SV2C: variants seen among roughly 807,000 people sequenced by gnomAD.
The protein encoded by SV2C is solute carrier family 22 member B3.
SV2C carries 49 observed loss-of-function variants against 79.7 expected under a neutral mutation model. The observed-to-expected ratio is 0.61, with a 90% CI of 0.49 to 0.78. The LOEUF (loss-of-function observed/expected upper bound fraction) is 0.78. Ranked by LOEUF, SV2C falls within the 30% of genes least tolerant of loss-of-function variation. The pLI is 0.00. For synonymous variants in SV2C, 334 were observed against 333.2 expected, an observed-to-expected ratio of 1.00 and a Z score of -0.03; for missense variants, 833 against 912.9, an observed-to-expected ratio of 0.91 and a Z score of 1.13.
At chr5:75,883,412 T>C in the SV2C span, among the ~76,000 whole-genome samples, 1 of 142,492 alleles carries the variant, frequency 7.0e-6, no homozygotes, top group Non-Finnish European at 1.5e-5. Context: ...TGCGGCATTA[T>C]TCACAATAGC....
chr5:76,012,338 T>C, the SV2C span, among the ~76,000 whole-genome samples: 1 of 152,228 alleles, frequency 6.6e-6, no homozygotes, highest in Admixed American at 6.5e-5. Flanking sequence ...GTGGTTTTGA[T>C]TTGCATTTCG....
chr5:76,188,405 A>G lies in SV2C; in HGVS notation c.581-6514A>G, dbSNP rs574840767. ...ATACAGAGGAGAAAACTGAGGCAGC[A>G]CAAGGAACTTAAGTAACTCTAGGTC... On this transcript the variant is annotated intron_variant, in intron 2 of 12. Coordinates refer to ENST00000502798, the MANE Select transcript of SV2C (RefSeq NM_014979.4). 1.1e-3 allele frequency among the ~76,000 whole-genome samples: 161 copies of G among 152,326 alleles called. 1 individual carries two copies. The highest frequency in any genetic ancestry group is 3.8e-3 in the African/African-American group (158 of 41,578).
At position 76,132,282 on chromosome 5, in the gene SV2C, A is replaced by T. The variant is rs1271199442; in HGVS notation, c.532A>T (p.Ser178Cys). The T allele has an allele frequency of 6.2e-7, 1 of 1,613,872 alleles. No homozygotes were observed. Among genetic ancestry groups the T allele is most frequent in the African/African-American group, 1.3e-5 (1 of 74,886 alleles). ...EVFVVGFVLP[S>C]AETDLCIPNS... ...GTTTGTCGTTGGCTTCGTGTTACCCAGTGCTGAGACAGACCTCTGCATCCC... is the reference window on the plus strand; with the variant it reads ...GTTTGTCGTTGGCTTCGTGTTACCCTGTGCTGAGACAGACCTCTGCATCCC... The change falls in exon 2 of 13, where the codon AGT becomes TGT. Residue 178 changes from serine to cysteine, a missense_variant. Coordinates refer to ENST00000502798, the MANE Select transcript of SV2C (RefSeq NM_014979.4).
chr5:76,048,695 T>C, the SV2C span, among the ~76,000 whole-genome samples: 3 of 151,584 alleles, frequency 2.0e-5, no homozygotes, highest in Non-Finnish European at 2.9e-5. Context: ...AGTCAGACAT[T>C]TGCACACATA....
intron 3 of SV2C, among the ~76,000 whole-genome samples, chr5:76,207,165 C>CA (rs34587990): frequency 0.41 from 58,117 of 143,244 alleles, 12,323 homozygotes; most frequent in East Asian, 0.86. Context: ...AGCCACACTG[C>CA]AAAAAAAAAA....
At chr5:76,285,987 C>A in intron 6 of SV2C, 117 bp downstream of exon 6, 1 of 807,030 alleles carries the variant, frequency 1.2e-6, no homozygotes, top group Non-Finnish European at 1.9e-6. Flanking sequence ...CACAGCTACT[C>A]AGCTCTGCCA....
chr5:76,219,978 G>A (rs942012599), intron 4 of SV2C, among the ~76,000 whole-genome samples: 28 of 152,222 alleles, frequency 1.8e-4, no homozygotes, highest in African/African-American at 5.8e-4. Context: ...TGGGGAAATG[G>A]GCTTTAAAAT....
At chr5:75,907,711 A>G in the SV2C span, among the ~76,000 whole-genome samples, 1 of 152,228 alleles carries the variant, frequency 6.6e-6, no homozygotes, top group Non-Finnish European at 1.5e-5. Context: ...TCCATTTTAA[A>G]TAGTCATTGG....
chr5:75,984,670 G>A, the SV2C span, among the ~76,000 whole-genome samples: 1 of 150,980 alleles, frequency 6.6e-6, no homozygotes, highest in African/African-American at 2.4e-5. Context: ...ATCTACCTAA[G>A]GAATAGACAA....
At chr5:76,048,894 G>A in the SV2C span, among the ~76,000 whole-genome samples, 9 of 130,592 alleles carry the variant, frequency 6.9e-5, no homozygotes, top group African/African-American at 2.6e-4. Flanking sequence ...GAAGGAAGGA[G>A]AGAGGGAGGG....
the SV2C span, among the ~76,000 whole-genome samples, chr5:76,077,268 A>G: frequency 1.7e-4 from 26 of 152,268 alleles, no homozygotes; most frequent in Admixed American, 1.2e-3. Context: ...GTTAAATAGC[A>G]TAACGGGAAC....
the SV2C span, among the ~76,000 whole-genome samples, chr5:76,044,083 C>A: frequency 6.6e-5 from 10 of 152,114 alleles, no homozygotes; most frequent in South Asian, 2.1e-4. Flanking sequence ...CTCCAACAGG[C>A]CCCAGTGTGT....
At chr5:76,301,645 A>C in intron 12 of SV2C, 100 bp downstream of exon 12, 1 of 1,405,554 alleles carries the variant, frequency 7.1e-7, no homozygotes. Context: ...ACGGTAGCTT[A>C]TGCCTGTAAT....
At chr5:75,935,573 A>T in the SV2C span, among the ~76,000 whole-genome samples, 1 of 152,198 alleles carries the variant, frequency 6.6e-6, no homozygotes, top group East Asian at 1.9e-4. Context: ...CATAATTATC[A>T]ACACTATAGA....
chr5:76,015,551 T>C, the SV2C span, among the ~76,000 whole-genome samples: 8 of 152,272 alleles, frequency 5.3e-5, no homozygotes, highest in East Asian at 1.5e-3. Flanking sequence ...ATAAATCTGA[T>C]TCTTAGAAAT....
At chr5:76,222,804 A>G (rs1473271280) in intron 4 of SV2C, among the ~76,000 whole-genome samples, 1 of 152,212 alleles carries the variant, frequency 6.6e-6, no homozygotes, top group Non-Finnish European at 1.5e-5. Context: ...TATTTATTCT[A>G]ACAATTTTGG....
the SV2C span, chr5:75,911,231 G>A: frequency 2.9e-3 from 4,581 of 1,558,732 alleles, 20 homozygotes; most frequent in African/African-American, 0.014. Flanking sequence ...CCTACCATTG[G>A]GAGTGGCAAG....
chr5:76,181,398 C>A (rs1743726548), intron 2 of SV2C, among the ~76,000 whole-genome samples: 1 of 152,220 alleles, frequency 6.6e-6, no homozygotes, highest in Admixed American at 6.5e-5. Context: ...TTTGCCTTTT[C>A]ACACTAGGGC....
the SV2C span, chr5:75,921,169 G>T: frequency 1.1e-6 from 1 of 920,138 alleles, no homozygotes; most frequent in Non-Finnish European, 1.7e-6. Flanking sequence ...TGTTGGAGAT[G>T]TACTCCAAGT....
Sources: gnomAD v4.1 joint callset for allele counts (sites outside exome capture counted in the v4.1 genomes callset) on GRCh38, gnomAD v4.1.1 for gene constraint, MANE v1.5 for transcripts, NCBI Gene and HGNC (gene_info 2026-07-23, HGNC 2026-07-21) for gene names.